MAPKAP1: variants seen among roughly 807,000 people sequenced by gnomAD.
The protein encoded by MAPKAP1 is target of rapamycin complex 2 subunit MAPKAP1.
A neutral mutation model predicts 65.7 loss-of-function variants in MAPKAP1; 20 were observed. The observed-to-expected ratio is 0.30, with a 90% CI of 0.21 to 0.44. The LOEUF is 0.44. MAPKAP1 is among the 20% of genes least tolerant of loss of function. The pLI is 1.00. For synonymous variants in MAPKAP1, 222 were observed against 244.3 expected, an observed-to-expected ratio of 0.91 and a Z score of 0.85; for missense variants, 423 against 648.0, an observed-to-expected ratio of 0.65 and a Z score of 3.77.
intron 3 of MAPKAP1, among the ~76,000 whole-genome samples, chr9:125,664,100 A>G (rs1390974303): frequency 6.6e-6 from 1 of 152,054 alleles, no homozygotes; most frequent in African/African-American, 2.4e-5. Context: ...TAATCCCAGC[A>G]CTCTGGGAGG....
chr9:125,667,376 C>A (rs908221925), intron 3 of MAPKAP1, among the ~76,000 whole-genome samples: 1 of 152,174 alleles, frequency 6.6e-6, no homozygotes, highest in African/African-American at 2.4e-5. Flanking sequence ...CTGAAGTGCA[C>A]TGGCGCGATT....
At position 125,672,550 on chromosome 9, in the gene MAPKAP1, T is replaced by C. The variant is rs1348420637; in HGVS notation, c.25A>G (p.Ile9Val). The part of the protein sequence containing the change: MAFLDNPT[I>V]ILAHIRQSHV... ...GACTGTCGAATATGAGCTAGAATGATAGTTGGATTGTCCAAGAAGGCCATC... is the reference window on the plus strand; with the variant it reads ...GACTGTCGAATATGAGCTAGAATGACAGTTGGATTGTCCAAGAAGGCCATC... Residue 9 changes from isoleucine (I) to valine (V), a missense_variant, in exon 2 of 12, where the codon ATC becomes GTC. By Grantham distance (29) the Ile-to-Val change is conservative. Transcript: ENST00000265960. The C allele has an allele frequency of 3.1e-6, 5 of 1,614,212 alleles. No individual in the cohort carries two copies. The highest frequency in any genetic ancestry group is 1.7e-5 in the Admixed American group (1 of 60,034).
intron 8 of MAPKAP1, among the ~76,000 whole-genome samples, chr9:125,505,160 G>A (rs1275760789): frequency 3.3e-5 from 5 of 152,198 alleles, no homozygotes; most frequent in African/African-American, 7.2e-5. Flanking sequence ...CGCCGGGCGC[G>A]GTGGCTCACG....
intron 1 of MAPKAP1, among the ~76,000 whole-genome samples, chr9:125,698,291 ATATATAT>A (rs1564622345): frequency 3.4e-3 from 7 of 2,066 alleles, no homozygotes; most frequent in African/African-American, 8.6e-3. Flanking sequence ...ATATATAAAT[ATATATAT>A]ATATATATAT....
chr9:125,631,058 C>G (rs1833265670), intron 4 of MAPKAP1, among the ~76,000 whole-genome samples: 2 of 151,862 alleles, frequency 1.3e-5, no homozygotes, highest in East Asian at 3.9e-4. Context: ...CATCACACCA[C>G]TGCACTCCAG....
At chr9:125,578,225 G>GA (rs1831508065) in intron 5 of MAPKAP1, among the ~76,000 whole-genome samples, 1 of 152,148 alleles carries the variant, frequency 6.6e-6, no homozygotes, top group African/African-American at 2.4e-5. Flanking sequence ...ACAGATGCTT[G>GA]AAGGCAGCAT....
intron 8 of MAPKAP1, among the ~76,000 whole-genome samples, chr9:125,485,561 A>G (rs755733547): frequency 1.3e-4 from 20 of 152,162 alleles, no homozygotes; most frequent in Non-Finnish European, 2.8e-4. Flanking sequence ...AGCCCTCTCA[A>G]ACCCCTCAGA....
chr9:125,568,441 T>C (rs982083565), intron 5 of MAPKAP1, among the ~76,000 whole-genome samples: 2 of 152,216 alleles, frequency 1.3e-5, no homozygotes, highest in African/African-American at 4.8e-5. Context: ...GAACTTTTCA[T>C]TGTCGGCTGC....
At chr9:125,486,872 C>T (rs1242080377) in intron 8 of MAPKAP1, among the ~76,000 whole-genome samples, 2 of 152,132 alleles carry the variant, frequency 1.3e-5, no homozygotes, top group Admixed American at 1.3e-4. Flanking sequence ...TCCAGGGAAG[C>T]CTTCCCTGGC....
At position 125,525,608 on chromosome 9, in the gene MAPKAP1, G is replaced by C. The variant is rs924762681; in HGVS notation, c.958+17451C>G. On this transcript the variant is annotated intron_variant, in intron 7 of 11. Coordinates refer to ENST00000265960, the MANE Select transcript of MAPKAP1 (RefSeq NM_001006617.3). ...GAATCACTTGAACCTGGGAGGCGGA[G>C]GTTGTGGTGAGCTGAGATTGCGCCA... Among the ~76,000 whole-genome samples, 12 of 152,144 alleles carry C rather than the reference G, an allele frequency of 7.9e-5. No homozygotes were observed. The South Asian group carries it at 1.2e-3, about 16-fold the overall frequency.
intron 8 of MAPKAP1, among the ~76,000 whole-genome samples, chr9:125,486,291 T>C (rs536319476): frequency 6.6e-6 from 1 of 152,310 alleles, no homozygotes; most frequent in Admixed American, 6.5e-5. Flanking sequence ...GACTTTGAAA[T>C]GTGGACTTCT....
intron 1 of MAPKAP1, among the ~76,000 whole-genome samples, chr9:125,677,966 G>A (rs1834701311): frequency 6.6e-6 from 1 of 152,082 alleles, no homozygotes; most frequent in Non-Finnish European, 1.5e-5. Flanking sequence ...CGCCCAGGCT[G>A]AAGTGCAGAG....
At position 125,580,011 on chromosome 9, in the gene MAPKAP1, A is replaced by G. The variant is rs528740182; in HGVS notation, c.671+5544T>C. ...AATTGACATTGGTGCAATACTGTTAAGACTAGACTTTATTCATGAAAACAA... is the reference window on the plus strand; with the variant it reads ...AATTGACATTGGTGCAATACTGTTAGGACTAGACTTTATTCATGAAAACAA... On this transcript the variant is annotated intron_variant, in intron 5 of 11. Coordinates refer to ENST00000265960, the MANE Select transcript of MAPKAP1 (RefSeq NM_001006617.3). Among the ~76,000 whole-genome samples, 8 of 152,352 alleles carry G rather than the reference A, an allele frequency of 5.3e-5. No individual in the cohort carries two copies. In the East Asian group the frequency reaches 1.5e-3, roughly 29 times the overall value.
chr9:125,438,178 C>A lies in MAPKAP1; in HGVS notation c.*709G>T. 1 of 393,798 alleles carries A rather than the reference C, an allele frequency of 2.5e-6. No individual in the cohort carries two copies. Among genetic ancestry groups the A allele is most frequent in the East Asian group, 3.6e-5 (1 of 27,800 alleles). 24.4% of individuals were successfully genotyped at this position (393,798 alleles called of 1,614,324 possible). On this transcript the variant is annotated 3_prime_UTR_variant, in exon 12 of 12. Transcript: ENST00000265960. The stretch of plus-strand genomic sequence containing the variant: ...CTCCTGGCACCCCACACTGTCCACG[C>A]AGCTCCTGGGCTCTGAGGTCAGAAG...
intron 4 of MAPKAP1, among the ~76,000 whole-genome samples, chr9:125,638,322 G>A (rs1833483966): frequency 1.3e-5 from 2 of 152,272 alleles, no homozygotes; most frequent in Middle Eastern, 3.4e-3. Context: ...AAACAAGAGT[G>A]TGACTGGTGA....
intron 3 of MAPKAP1, among the ~76,000 whole-genome samples, chr9:125,661,640 G>A (rs781001100): frequency 7.2e-5 from 11 of 152,060 alleles, no homozygotes; most frequent in Non-Finnish European, 1.6e-4. Flanking sequence ...GTTTTAAATG[G>A]ACAAAAAACC....
chr9:125,586,259 A>G (rs517828), intron 4 of MAPKAP1, among the ~76,000 whole-genome samples: 140,548 of 152,128 alleles, frequency 0.92, 65,847 homozygotes, highest in East Asian at 1. Flanking sequence ...GGGCCCTTTG[A>G]TCCTCCATTA....
At chr9:125,465,709 C>T (rs1853645039) in intron 10 of MAPKAP1, among the ~76,000 whole-genome samples, 1 of 152,186 alleles carries the variant, frequency 6.6e-6, no homozygotes, top group Non-Finnish European at 1.5e-5. Flanking sequence ...AGTTAGTTCA[C>T]TATGGAGATG....
intron 6 of MAPKAP1, among the ~76,000 whole-genome samples, chr9:125,547,911 GA>G: frequency 6.6e-6 from 1 of 152,250 alleles, no homozygotes; most frequent in Admixed American, 6.5e-5. Context: ...GATGATAATG[GA>G]AATTAAAAAA....
Sources: allele counts gnomAD v4.1 joint callset (sites outside exome capture counted in the v4.1 genomes callset), GRCh38; gene constraint gnomAD v4.1.1; transcripts MANE v1.5; gene names NCBI Gene and HGNC (gene_info 2026-07-23, HGNC 2026-07-21).